The following SMYD3 variants were observed in gnomAD, a reference collection of about 807,000 sequenced individuals.
SMYD3 encodes SET and MYND domain containing 3.
In SMYD3, 36 loss-of-function variants were observed where a neutral mutation model predicts 57.7. The ratio of observed to expected loss-of-function variants is 0.62; its 90% CI spans 0.48 to 0.82. The LOEUF is 0.82. Ranked by LOEUF, SMYD3 falls within the 40% of genes least tolerant of loss-of-function variation. SMYD3 has a pLI of 0.00. For synonymous variants in SMYD3, 211 were observed against 195.0 expected (o/e 1.08, Z -0.68); for missense variants, 515 against 538.8 (o/e 0.96, Z 0.44).
intron 5 of SMYD3, among the ~76,000 whole-genome samples, chr1:246,244,271 T>C (rs191181645): frequency 3.3e-5 from 5 of 152,224 alleles, no homozygotes; most frequent in African/African-American, 1.2e-4. Flanking sequence ...TTTCACCTTT[T>C]TGAGTGACCC....
At chr1:246,008,044 G>C (rs1053014589) in intron 5 of SMYD3, among the ~76,000 whole-genome samples, 3 of 152,220 alleles carry the variant, frequency 2.0e-5, no homozygotes, top group African/African-American at 7.2e-5. Flanking sequence ...ACAAAGTGAT[G>C]CCAAAGAAAG....
chr1:246,431,922 T>G (rs1420426157), intron 1 of SMYD3, among the ~76,000 whole-genome samples: 2 of 152,228 alleles, frequency 1.3e-5, no homozygotes, highest in Non-Finnish European at 2.9e-5. Flanking sequence ...CTCTAACTTT[T>G]ATTTATTTTA....
At chr1:245,864,838 C>T (rs2051743409) in intron 8 of SMYD3, among the ~76,000 whole-genome samples, 2 of 152,092 alleles carry the variant, frequency 1.3e-5, no homozygotes, top group South Asian at 4.1e-4. Flanking sequence ...GTTAGGAGAC[C>T]TACAGCTAAA....
chr1:246,033,913 TCC>T (rs1342901823), intron 5 of SMYD3, among the ~76,000 whole-genome samples: 2 of 152,316 alleles, frequency 1.3e-5, no homozygotes, highest in South Asian at 4.1e-4. Flanking sequence ...GGTTACAAAG[TCC>T]TCTCTGTGTT....
chr1:246,465,387 T>G (rs985148313), intron 1 of SMYD3, among the ~76,000 whole-genome samples: 1 of 152,250 alleles, frequency 6.6e-6, no homozygotes. Flanking sequence ...TGAGCTGCCA[T>G]CACTCTGTAA....
chr1:246,366,930 C>CAAAA (rs1269333583), intron 1 of SMYD3, among the ~76,000 whole-genome samples: 5 of 58,600 alleles, frequency 8.5e-5, no homozygotes, highest in Non-Finnish European at 1.1e-4. Context: ...GACTCCATCT[C>CAAAA]AAAAAAAAAA....
intron 1 of SMYD3, among the ~76,000 whole-genome samples, chr1:246,443,501 G>T (rs901577684): frequency 6.6e-6 from 1 of 152,176 alleles, no homozygotes; most frequent in African/African-American, 2.4e-5. Context: ...AAGTTATTCA[G>T]GTAGATAACA....
At chr1:245,958,660 T>G (rs1340810827) in intron 5 of SMYD3, among the ~76,000 whole-genome samples, 2 of 152,234 alleles carry the variant, frequency 1.3e-5, no homozygotes, top group Non-Finnish European at 2.9e-5. Context: ...TTTACTTGTC[T>G]GTTTCTTTTA....
chr1:246,424,371 T>A (rs1226271210), intron 1 of SMYD3, among the ~76,000 whole-genome samples: 7 of 151,664 alleles, frequency 4.6e-5, no homozygotes, highest in Admixed American at 4.6e-4. Context: ...TATTAATAAA[T>A]ACTCAAAGGA....
intron 11 of SMYD3, among the ~76,000 whole-genome samples, chr1:245,761,939 T>A (rs924457330): frequency 6.6e-6 from 1 of 151,914 alleles, no homozygotes; most frequent in African/African-American, 2.4e-5. Context: ...GCACCCGTTA[T>A]CATGCTCAGC....
chr1:246,481,708 TTATA>T (rs969821894), intron 1 of SMYD3, among the ~76,000 whole-genome samples: 27 of 144,646 alleles, frequency 1.9e-4, no homozygotes, highest in African/African-American at 6.8e-4. Context: ...TCATATATGA[TTATA>T]TATATATGAA....
At chr1:245,827,456 G>A (rs1387743739) in intron 10 of SMYD3, among the ~76,000 whole-genome samples, 1 of 152,156 alleles carries the variant, frequency 6.6e-6, no homozygotes, top group Admixed American at 6.5e-5. Context: ...CGGCCCACGT[G>A]ACCTCTCCCC....
intron 7 of SMYD3, among the ~76,000 whole-genome samples, chr1:245,920,090 G>GCAT (rs1423007707): frequency 3.3e-5 from 5 of 152,116 alleles, no homozygotes; most frequent in East Asian, 1.9e-4. Flanking sequence ...AAGGCGGTAG[G>GCAT]ATCACGAGGT....
chr1:246,496,218 T>G (rs2068358337), intron 1 of SMYD3, among the ~76,000 whole-genome samples: 1 of 151,806 alleles, frequency 6.6e-6, no homozygotes, highest in South Asian at 2.1e-4. Context: ...GTATTTTTAG[T>G]AGAGATGGGA....
At chr1:246,183,627 A>G (rs548277108) in intron 5 of SMYD3, among the ~76,000 whole-genome samples, 1 of 152,324 alleles carries the variant, frequency 6.6e-6, no homozygotes, top group Non-Finnish European at 1.5e-5. Flanking sequence ...GTCCTGATAT[A>G]AAGTCTTGAA....
At chr1:246,301,036 C>T (rs887076971) in intron 5 of SMYD3, among the ~76,000 whole-genome samples, 1 of 152,032 alleles carries the variant, frequency 6.6e-6, no homozygotes, top group Non-Finnish European at 1.5e-5. Flanking sequence ...AGATAGAAGT[C>T]GTCACTGATT....
chr1:246,155,215 A>G (rs1175022012), intron 5 of SMYD3, among the ~76,000 whole-genome samples: 1 of 152,368 alleles, frequency 6.6e-6, no homozygotes, highest in East Asian at 1.9e-4. Context: ...AATGAATAAT[A>G]GTAATACTAT....
chr1:246,311,970 T>A (rs955623129), intron 5 of SMYD3, among the ~76,000 whole-genome samples: 11 of 151,910 alleles, frequency 7.2e-5, no homozygotes, highest in Non-Finnish European at 1.3e-4. Context: ...TAAGTGACAA[T>A]GCAACGTGAA....
intron 11 of SMYD3, among the ~76,000 whole-genome samples, chr1:245,751,594 AAGAGAGAGAGAG>A (rs1350148912): frequency 1.4e-5 from 1 of 72,422 alleles, no homozygotes; most frequent in African/African-American, 4.8e-5. Flanking sequence ...GAGAGAGAGA[AAGAGAGAGAGAG>A]AAAGAGAGAG....
Sources: gnomAD v4.1 joint callset for allele counts (sites outside exome capture counted in the v4.1 genomes callset) on GRCh38, gnomAD v4.1.1 for gene constraint, MANE v1.5 for transcripts, NCBI Gene and HGNC (gene_info 2026-07-23, HGNC 2026-07-21) for gene names.